Variants in RASA3 observed in about 807,000 individuals in gnomAD.
The protein encoded by RASA3 is RAS p21 protein activator 3.
Under a neutral mutation model 110.0 loss-of-function variants are expected in RASA3, and 73 were observed. That is an observed-to-expected ratio of 0.66 (90% CI 0.55 to 0.81). RASA3 has a LOEUF of 0.81. Among genes scored for constraint, RASA3 ranks in the 30% least tolerant of loss-of-function variants. The pLI is 0.00. For synonymous variants in RASA3, 500 were observed against 451.4 expected (o/e 1.11, Z -1.37); for missense variants, 976 against 1,113.2 (o/e 0.88, Z 1.75).
At chr13:114,121,833 C>T (rs1045998890) in intron 1 of RASA3, among the ~76,000 whole-genome samples, 17 of 152,210 alleles carry the variant, frequency 1.1e-4, no homozygotes, top group African/African-American at 4.1e-4. Context: ...TACACAGGCC[C>T]CCCGCCACAC....
At position 114,057,913 on chromosome 13, in the gene RASA3, A is replaced by G. The variant is rs536745436; in HGVS notation, c.174-5758T>C. Among the ~76,000 whole-genome samples the G allele has an allele frequency of 2.0e-4, 30 of 152,242 alleles. No individual in the cohort carries two copies. The highest frequency in any genetic ancestry group is 6.7e-4 in the African/African-American group (28 of 41,546). Reference sequence around the variant, plus strand: ...GCTGCCATCCTAGCGCACACTGGGTAGATGCAGGTGTTTCCAATGTGCTGA... The same window carrying G: ...GCTGCCATCCTAGCGCACACTGGGTGGATGCAGGTGTTTCCAATGTGCTGA... On this transcript the variant is annotated intron_variant, in intron 2 of 23. Coordinates refer to ENST00000334062, the MANE Select transcript of RASA3 (RefSeq NM_007368.4). The surrounding 1 kb of genome is among the most constrained non-coding windows in gnomAD (Gnocchi z 5.0).
rs529106477 is a variant in RASA3 at position 114,097,049 on chromosome 13, G to A, written c.56-23212C>T. Among the ~76,000 whole-genome samples, 12 of 152,262 alleles carry A rather than the reference G, an allele frequency of 7.9e-5. No individual in the cohort carries two copies. The East Asian group carries it at 2.1e-3, about 27-fold the overall frequency. The stretch of plus-strand genomic sequence containing the variant: ...CCACACCTGTCCCTGAGTGTTCATG[G>A]CGTCACAGTTGTCACTGAGGCTGTG... On this transcript the variant is annotated intron_variant, in intron 1 of 23. Coordinates refer to ENST00000334062, the MANE Select transcript of RASA3 (RefSeq NM_007368.4).
At chr13:114,053,868 G>A (rs945494333) in intron 2 of RASA3, among the ~76,000 whole-genome samples, 9 of 152,270 alleles carry the variant, frequency 5.9e-5, no homozygotes, top group Admixed American at 5.2e-4. Flanking sequence ...GCTCACGCCT[G>A]TAATCCCAAC....
rs1346120863 is a variant in RASA3 at position 114,096,632 on chromosome 13, T to TGGAAA, written c.56-22796_56-22795insTTTCC. ...CTCCTTTCCAGCCAAATGACCCATT[T>TGGAAA]CCCAAACGCCTTCCCTTTCCATTCT... On this transcript the variant is annotated intron_variant, in intron 1 of 23. Coordinates refer to ENST00000334062, the MANE Select transcript of RASA3 (RefSeq NM_007368.4). This position sits in a 1 kb window ranked among gnomAD's most constrained non-coding sequence, Gnocchi z 5.1. 1.3e-5 allele frequency among the ~76,000 whole-genome samples: 2 copies of TGGAAA among 152,034 alleles called. No homozygotes were observed. Among genetic ancestry groups the TGGAAA allele is most frequent in the South Asian group, 2.1e-4 (1 of 4,830 alleles).
intron 1 of RASA3, 96 bp downstream of exon 1, chr13:114,132,338 CG>C: frequency 7.9e-7 from 1 of 1,265,892 alleles, no homozygotes; most frequent in South Asian, 1.9e-5. Context: ...GCGTCTCCGC[CG>C]GGGTCCCCAG....
At chr13:114,001,100 C>T (rs2053384559) in intron 18 of RASA3, among the ~76,000 whole-genome samples, 168 bp from the exon 19 acceptor site, 1 of 152,238 alleles carries the variant, frequency 6.6e-6, no homozygotes, top group African/African-American at 2.4e-5. Flanking sequence ...AAGGCAATGC[C>T]TCTCCTTTGA....
chr13:114,041,782 G>A (rs1479012637), intron 3 of RASA3, among the ~76,000 whole-genome samples: 1 of 152,254 alleles, frequency 6.6e-6, no homozygotes, highest in East Asian at 1.9e-4. Flanking sequence ...CTTCCCACGC[G>A]ACGTGGGTTG....
At chr13:114,098,960 C>T (rs904131076) in intron 1 of RASA3, among the ~76,000 whole-genome samples, 1 of 151,006 alleles carries the variant, frequency 6.6e-6, no homozygotes, top group Admixed American at 6.6e-5. Flanking sequence ...GGCCCGGCCA[C>T]CCGAGCCCCC....
intron 1 of RASA3, among the ~76,000 whole-genome samples, chr13:114,076,286 A>C (rs1482423628): frequency 6.6e-6 from 1 of 152,242 alleles, no homozygotes; most frequent in Non-Finnish European, 1.5e-5. Context: ...TTGGTGGGAA[A>C]AAATGAGTAT....
intron 2 of RASA3, among the ~76,000 whole-genome samples, chr13:114,060,994 G>A (rs188290839): frequency 1.6e-3 from 238 of 145,904 alleles, no homozygotes; most frequent in East Asian, 0.013. Context: ...GGCAGACGGA[G>A]CCCCCCACAG....
At chr13:114,083,000 G>A (rs1294633855) in intron 1 of RASA3, among the ~76,000 whole-genome samples, 6 of 152,184 alleles carry the variant, frequency 3.9e-5, no homozygotes, top group South Asian at 4.1e-4. Context: ...CAGAGGCAAC[G>A]CACCCTCTGC....
At chr13:114,111,490 G>C (rs112717895) in intron 1 of RASA3, among the ~76,000 whole-genome samples, 2 of 137,560 alleles carry the variant, frequency 1.5e-5, no homozygotes, top group African/African-American at 2.8e-5. Context: ...AGCCTCAAAC[G>C]AGCTGCAGGC....
chr13:114,007,216 T>C (rs1262707389), intron 18 of RASA3, among the ~76,000 whole-genome samples: 1 of 7,156 alleles, frequency 1.4e-4, no homozygotes, highest in African/African-American at 5.7e-4. Flanking sequence ...ACCTTACCCT[T>C]CTCCCCTCCT....
intron 20 of RASA3, among the ~76,000 whole-genome samples, chr13:113,999,013 C>T (rs1324852838): frequency 5.3e-5 from 8 of 152,186 alleles, no homozygotes; most frequent in Non-Finnish European, 1.2e-4. Flanking sequence ...AAAGCACGGG[C>T]GGGACCGTGA....
rs748229821 is a variant in RASA3 at position 114,013,157 on chromosome 13, G to A, written c.1497C>T (p.Leu499=). ...PAILSPNLFQ[L]TPHHTDPQTS... ...GGTCACTCACCGTGTGGTGCGGCGTGAGCTGGAAGAGGTTGGGGGAGAGAA... is the reference window on the plus strand; with the variant it reads ...GGTCACTCACCGTGTGGTGCGGCGTAAGCTGGAAGAGGTTGGGGGAGAGAA... The change falls in exon 15 of 24, where the codon CTC becomes CTT. Residue 499 remains leucine (L), a synonymous_variant. Coordinates refer to ENST00000334062, the MANE Select transcript of RASA3 (RefSeq NM_007368.4). 3.5e-5 allele frequency: 57 copies of A among 1,613,112 alleles called. 1 individual carries two copies. The South Asian group carries it at 5.9e-4, about 17-fold the overall frequency.
At chr13:114,045,230 C>T (rs1250266302) in intron 3 of RASA3, among the ~76,000 whole-genome samples, 1 of 152,214 alleles carries the variant, frequency 6.6e-6, no homozygotes, top group Non-Finnish European at 1.5e-5. Context: ...TCTGATGTGC[C>T]TAATCCACAG....
At chr13:114,041,618 GCCA>G (rs1460962859) in intron 3 of RASA3, among the ~76,000 whole-genome samples, 9 of 152,344 alleles carry the variant, frequency 5.9e-5, no homozygotes, top group African/African-American at 2.2e-4. Flanking sequence ...GCAGCATCAC[GCCA>G]CAAGAGACAC....
intron 22 of RASA3, among the ~76,000 whole-genome samples, chr13:113,990,523 C>A (rs781713750): frequency 6.6e-6 from 1 of 152,212 alleles, no homozygotes; most frequent in Non-Finnish European, 1.5e-5. Flanking sequence ...TCTGCTGTGT[C>A]GGTTCCTGCT....
At chr13:114,122,206 C>T (rs970477573) in intron 1 of RASA3, among the ~76,000 whole-genome samples, 5 of 152,246 alleles carry the variant, frequency 3.3e-5, no homozygotes, top group African/African-American at 1.2e-4. Context: ...CCACCCCCGG[C>T]CAGCAAGGCT....
Sources: gnomAD v4.1 joint callset for allele counts (sites outside exome capture counted in the v4.1 genomes callset) on GRCh38, gnomAD v4.1.1 for gene constraint, Gnocchi (gnomAD v3.1) non-coding constraint, MANE v1.5 for transcripts, NCBI Gene and HGNC (gene_info 2026-07-23, HGNC 2026-07-21) for gene names.